Variants in PIBF1 observed in about 807,000 individuals in gnomAD.
The protein encoded by PIBF1 is progesterone-induced-blocking factor 1.
Under a neutral mutation model 112.5 loss-of-function variants are expected in PIBF1, and 90 were observed. That is an observed-to-expected ratio of 0.80 (90% confidence interval 0.67 to 0.95). The LOEUF is 0.95. PIBF1 is among the 40% of genes least tolerant of loss of function. The pLI is 0.00. For synonymous variants in PIBF1, 301 were observed against 288.6 expected, an observed-to-expected ratio of 1.04 and a Z score of -0.44; for missense variants, 915 against 852.3, an observed-to-expected ratio of 1.07 and a Z score of -0.92.
chr13:72,979,095 C>T (rs900830691), intron 16 of PIBF1, among the ~76,000 whole-genome samples: 2 of 151,986 alleles, frequency 1.3e-5, no homozygotes, highest in African/African-American at 4.8e-5. Context: ...CTGGGGAAGT[C>T]GAAGCAGAAA....
intron 10 of PIBF1, among the ~76,000 whole-genome samples, chr13:72,889,780 A>G (rs1459523500): frequency 1.3e-5 from 2 of 152,132 alleles, no homozygotes; most frequent in African/African-American, 4.8e-5. Context: ...TGCAAGTACC[A>G]TATTCTGGCC....
chr13:72,892,363 C>T (rs980183936), intron 10 of PIBF1, among the ~76,000 whole-genome samples: 5 of 152,024 alleles, frequency 3.3e-5, no homozygotes, highest in Non-Finnish European at 4.4e-5. Flanking sequence ...GAACTTCCAC[C>T]GATCTGAGAC....
intron 2 of PIBF1, among the ~76,000 whole-genome samples, chr13:72,791,379 A>G (rs1431996779): frequency 6.6e-6 from 1 of 152,052 alleles, no homozygotes; most frequent in Non-Finnish European, 1.5e-5. Context: ...TTAAGGGGCA[A>G]ACAGGAATCG....
intron 9 of PIBF1, among the ~76,000 whole-genome samples, chr13:72,843,627 G>A (rs533998700): frequency 2.0e-4 from 31 of 152,310 alleles, no homozygotes; most frequent in African/African-American, 7.2e-4. Flanking sequence ...GGTCAGGCTG[G>A]TCTGGAACTC....
chr13:72,797,290 A>C (rs1166162247), intron 4 of PIBF1, among the ~76,000 whole-genome samples: 2 of 152,214 alleles, frequency 1.3e-5, no homozygotes, highest in African/African-American at 2.4e-5. Flanking sequence ...TAGGCATTGG[A>C]AATACAGCGG....
intron 5 of PIBF1, among the ~76,000 whole-genome samples, chr13:72,812,081 T>G (rs1455512837): frequency 6.6e-6 from 1 of 152,122 alleles, no homozygotes; most frequent in African/African-American, 2.4e-5. Flanking sequence ...AGATGAAATT[T>G]TGAACCCAGT....
At chr13:72,829,137 C>T (rs2036974818) in intron 8 of PIBF1, among the ~76,000 whole-genome samples, 1 of 152,052 alleles carries the variant, frequency 6.6e-6, no homozygotes, top group South Asian at 2.1e-4. Context: ...TTGGTTTTTT[C>T]TTGTAAATTT....
At chr13:72,975,886 C>T (rs1029831074) in intron 16 of PIBF1, among the ~76,000 whole-genome samples, 2 of 152,132 alleles carry the variant, frequency 1.3e-5, no homozygotes, top group Non-Finnish European at 2.9e-5. Context: ...GTAGTAACTA[C>T]AGATGACCAT....
chr13:72,957,069 A>G (rs770009254), intron 14 of PIBF1, among the ~76,000 whole-genome samples: 11 of 152,210 alleles, frequency 7.2e-5, no homozygotes, highest in Non-Finnish European at 1.6e-4. Context: ...GCTGGTGAGA[A>G]TGTAAACTAG....
intron 10 of PIBF1, among the ~76,000 whole-genome samples, chr13:72,854,626 A>ATTT (rs1053796980): frequency 7.9e-5 from 12 of 152,190 alleles, no homozygotes; most frequent in African/African-American, 2.9e-4. Context: ...GTCAATGGTC[A>ATTT]TTTTGGTGGT....
chr13:72,923,611 C>T (rs1285357328), intron 13 of PIBF1, among the ~76,000 whole-genome samples: 2 of 152,054 alleles, frequency 1.3e-5, no homozygotes, highest in African/African-American at 2.4e-5. Flanking sequence ...CATTCTACAC[C>T]AAAAATAACA....
chr13:72,933,638 G>A (rs972338357), intron 14 of PIBF1, among the ~76,000 whole-genome samples: 2 of 152,126 alleles, frequency 1.3e-5, no homozygotes, highest in African/African-American at 4.8e-5. Flanking sequence ...CTCCAGCCTG[G>A]GCAACAGAGG....
At chr13:72,820,009 C>A (rs1459823361) in intron 5 of PIBF1, among the ~76,000 whole-genome samples, 1 of 151,932 alleles carries the variant, frequency 6.6e-6, no homozygotes, top group Non-Finnish European at 1.5e-5. Context: ...TCTGTCATGG[C>A]GTTTGCACAG....
intron 14 of PIBF1, among the ~76,000 whole-genome samples, chr13:72,963,886 A>G (rs2042671076): frequency 6.6e-6 from 1 of 152,194 alleles, no homozygotes; most frequent in African/African-American, 2.4e-5. Context: ...GCTGGTAGGA[A>G]TGTAAAATGG....
intron 14 of PIBF1, among the ~76,000 whole-genome samples, chr13:72,960,636 C>G (rs1537386): frequency 0.2 from 29,781 of 152,134 alleles, 3,046 homozygotes; most frequent in Middle Eastern, 0.27. Flanking sequence ...GCCACCCTTT[C>G]CCCACACACA....
intron 9 of PIBF1, among the ~76,000 whole-genome samples, chr13:72,838,027 T>G (rs1270327577): frequency 6.6e-6 from 1 of 152,234 alleles, no homozygotes; most frequent in African/African-American, 2.4e-5. Flanking sequence ...TTGTGATTAC[T>G]TGCTCTGAAA....
intron 9 of PIBF1, among the ~76,000 whole-genome samples, chr13:72,852,623 C>T (rs1229411833): frequency 1.3e-5 from 2 of 152,128 alleles, no homozygotes; most frequent in Non-Finnish European, 2.9e-5. Flanking sequence ...TTCCAGCTGA[C>T]AAAGTGACGC....
intron 17 of PIBF1, among the ~76,000 whole-genome samples, chr13:73,000,147 G>T (rs993532416): frequency 3.3e-5 from 5 of 152,196 alleles, no homozygotes; most frequent in Non-Finnish European, 5.9e-5. Context: ...CAGTTGACTA[G>T]CCTGGACACA....
intron 9 of PIBF1, among the ~76,000 whole-genome samples, chr13:72,847,984 C>T (rs1359207480): frequency 6.6e-6 from 1 of 152,144 alleles, no homozygotes; most frequent in Non-Finnish European, 1.5e-5. Flanking sequence ...TATTTTAATC[C>T]TTTGTTGTTC....
Sources: gnomAD v4.1 joint callset for allele counts (sites outside exome capture counted in the v4.1 genomes callset) on GRCh38, gnomAD v4.1.1 for gene constraint, MANE v1.5 for transcripts, NCBI Gene and HGNC (gene_info 2026-07-23, HGNC 2026-07-21) for gene names.